EVA1C: variants seen among roughly 807,000 people sequenced by gnomAD.
The protein encoded by EVA1C is protein eva-1 homolog C.
EVA1C carries 25 observed loss-of-function variants against 45.4 expected under a neutral mutation model. The observed-to-expected ratio is 0.55, with a 90% CI of 0.40 to 0.77. The LOEUF (loss-of-function observed/expected upper bound fraction) is 0.77, where lower values mean the gene tolerates loss of function less well. Among genes scored for constraint, EVA1C ranks in the 30% least tolerant of loss-of-function variants. The pLI, the probability that EVA1C is intolerant of heterozygous loss-of-function variation, is 0.00. For synonymous variants in EVA1C, 190 were observed against 221.2 expected, an observed-to-expected ratio of 0.86 and a Z score of 1.25; for missense variants, 479 against 554.8, an observed-to-expected ratio of 0.86 and a Z score of 1.37.
intron 1 of EVA1C, among the ~76,000 whole-genome samples, chr21:32,442,663 TAAAAA>T (rs111617678): frequency 1.8e-5 from 2 of 111,308 alleles, no homozygotes. Flanking sequence ...TGGCAGGTTA[TAAAAA>T]AAAAAAAAAA....
At chr21:32,487,450 G>C (rs2037008014) in intron 4 of EVA1C, among the ~76,000 whole-genome samples, 1 of 152,136 alleles carries the variant, frequency 6.6e-6, no homozygotes, top group African/African-American at 2.4e-5. Flanking sequence ...CTTTAGGCCA[G>C]TGGCAGCGAC....
intron 4 of EVA1C, among the ~76,000 whole-genome samples, chr21:32,490,490 C>T (rs1306099086): frequency 6.6e-6 from 1 of 151,964 alleles, no homozygotes; most frequent in Admixed American, 6.6e-5. Context: ...CAGTGGAGGG[C>T]AAAGGGGAGA....
intron 7 of EVA1C, among the ~76,000 whole-genome samples, chr21:32,510,795 G>A (rs1205869788): frequency 1.3e-5 from 2 of 152,186 alleles, no homozygotes; most frequent in Admixed American, 1.3e-4. Flanking sequence ...AGCACTTGGG[G>A]AGGCCAAGGC....
At chr21:32,416,618 C>T (rs1430656392) in intron 1 of EVA1C, among the ~76,000 whole-genome samples, 3 of 152,206 alleles carry the variant, frequency 2.0e-5, no homozygotes, top group South Asian at 2.1e-4. Flanking sequence ...CATGAGCCAC[C>T]GCACCCAGCC....
chr21:32,512,011 C>G (rs1202444760), intron 7 of EVA1C, among the ~76,000 whole-genome samples: 1 of 151,864 alleles, frequency 6.6e-6, no homozygotes, highest in Non-Finnish European at 1.5e-5. Flanking sequence ...AAAAAAAACA[C>G]CAAGTCTCCA....
chr21:32,461,461 C>A (rs1255723186), intron 3 of EVA1C, among the ~76,000 whole-genome samples: 1 of 152,206 alleles, frequency 6.6e-6, no homozygotes, highest in African/African-American at 2.4e-5. Context: ...TGTCTCCACA[C>A]CTTCCTGCCT....
intron 5 of EVA1C, chr21:32,496,774 C>T (rs923082495): frequency 4.3e-6 from 3 of 691,472 alleles, no homozygotes; most frequent in Non-Finnish European, 7.8e-6. Context: ...AAAGCTGAGA[C>T]ACTGCTGGGC....
At chr21:32,460,379 C>G (rs1422419578) in intron 3 of EVA1C, among the ~76,000 whole-genome samples, 1 of 152,210 alleles carries the variant, frequency 6.6e-6, no homozygotes, top group Admixed American at 6.5e-5. Flanking sequence ...CCCTCTCTAT[C>G]ACAGCATCCT....
chr21:32,511,644 T>G (rs1160808273), intron 7 of EVA1C, among the ~76,000 whole-genome samples: 5 of 152,002 alleles, frequency 3.3e-5, no homozygotes, highest in Non-Finnish European at 7.4e-5. Flanking sequence ...ACCCATGTGA[T>G]TAGAAAATAA....
At chr21:32,505,488 G>C (rs187852917) in intron 7 of EVA1C, among the ~76,000 whole-genome samples, 1 of 152,196 alleles carries the variant, frequency 6.6e-6, no homozygotes, top group Non-Finnish European at 1.5e-5. Flanking sequence ...GAACGAGACC[G>C]ACATTGCGCT....
chr21:32,473,896 T>C (rs1156545348), intron 4 of EVA1C: 1 of 985,174 alleles, frequency 1.0e-6, no homozygotes, highest in Admixed American at 6.2e-5. Context: ...CTCAGGACCC[T>C]TTGATTTTTG....
rs1220305912 is a variant in EVA1C, at chr21:32,452,435, G to T, written c.161-877G>T. On this transcript the variant is annotated intron_variant, in intron 1 of 7. Coordinates refer to ENST00000300255, the MANE Select transcript of EVA1C (RefSeq NM_058187.5). This position sits in a 1 kb window ranked among gnomAD's most constrained non-coding sequence, Gnocchi z 4.0. ...CATGCAGATGGACAGGTCGTGGGGA[G>T]CGTTTTTGGGCTCCGACCCCACAGC... 3 of 152,276 alleles carry T rather than the reference G, an allele frequency of 2.0e-5. No homozygotes were observed. The highest frequency in any genetic ancestry group is 4.8e-5 in the African/African-American group (2 of 41,468). The allele number at this position is 152,276 out of a possible 1,614,324, so 9.4% of individuals were successfully genotyped here.
At chr21:32,511,675 A>C (rs1411105734) in intron 7 of EVA1C, among the ~76,000 whole-genome samples, 3 of 152,192 alleles carry the variant, frequency 2.0e-5, no homozygotes, top group Non-Finnish European at 4.4e-5. Flanking sequence ...TATGTGAGCC[A>C]AGTGCTGGAG....
chr21:32,422,271 C>G (rs901168811), intron 1 of EVA1C, among the ~76,000 whole-genome samples: 5 of 151,928 alleles, frequency 3.3e-5, no homozygotes, highest in African/African-American at 4.8e-5. Context: ...GAAAAAAAAG[C>G]TGGAGAAATT....
rs60086580 is a variant in EVA1C, at chr21:32,444,053, AACACACACAC to A, written c.161-9229_161-9220del. On this transcript the variant is annotated intron_variant, in intron 1 of 7. Coordinates refer to ENST00000300255, the MANE Select transcript of EVA1C (RefSeq NM_058187.5). The stretch of plus-strand genomic sequence containing the variant: ...CCACTTCTGACACCAATTGTGTGAA[AACACACACAC>A]ACACACACACACACACACACACACA... Among the ~76,000 whole-genome samples, 1,370 of 140,036 alleles carry A rather than the reference AACACACACAC, an allele frequency of 9.8e-3. 12 individuals carry two copies. Among genetic ancestry groups the A allele is most frequent in the African/African-American group, 0.026 (1,013 of 39,212 alleles). The allele number at this position is 140,036 out of a possible 152,430, so 91.9% of individuals were successfully genotyped here.
chr21:32,492,781 G>A (rs1488585039), intron 4 of EVA1C, among the ~76,000 whole-genome samples: 1 of 151,510 alleles, frequency 6.6e-6, no homozygotes, highest in Non-Finnish European at 1.5e-5. Flanking sequence ...TCATCTCTCA[G>A]TAGCACCACT....
intron 5 of EVA1C, among the ~76,000 whole-genome samples, chr21:32,498,218 G>A (rs149010153): frequency 0.014 from 2,091 of 152,206 alleles, 60 homozygotes; most frequent in African/African-American, 0.048. Context: ...AGGCCGAGGC[G>A]GGCGCATCAT....
chr21:32,477,787 C>G (rs1161105758), intron 4 of EVA1C, among the ~76,000 whole-genome samples: 1 of 23,876 alleles, frequency 4.2e-5, no homozygotes, highest in East Asian at 2.4e-3. Flanking sequence ...CCTCCCCTCC[C>G]CCGTACGCCC....
intron 7 of EVA1C, among the ~76,000 whole-genome samples, chr21:32,513,557 T>TTTC (rs1223930707): frequency 7.1e-6 from 1 of 141,204 alleles, no homozygotes; most frequent in African/African-American, 2.6e-5. Context: ...TTTTCTTTTT[T>TTTC]TTTTTTTTTT....
Sources: gnomAD v4.1 joint callset for allele counts (sites outside exome capture counted in the v4.1 genomes callset) on GRCh38, gnomAD v4.1.1 for gene constraint, Gnocchi (gnomAD v3.1) non-coding constraint, MANE v1.5 for transcripts, NCBI Gene and HGNC (gene_info 2026-07-23, HGNC 2026-07-21) for gene names.